The following EDIL3 variants were observed in gnomAD, a reference collection of about 807,000 sequenced individuals.
EDIL3 encodes EGF like and discoidin domains 3.
In EDIL3, 37 loss-of-function variants were observed where a neutral mutation model predicts 67.4. The observed-to-expected ratio is 0.55, with a 90% CI of 0.42 to 0.72. EDIL3 has a LOEUF of 0.72. Among genes scored for constraint, EDIL3 ranks in the 30% least tolerant of loss-of-function variants. The probability of loss-of-function intolerance (pLI) is 0.00; values close to 1 mark genes in which losing one functional copy is unlikely to be tolerated. For missense variants in EDIL3, 527 were observed against 586.3 expected, an observed-to-expected ratio of 0.90 and a Z score of 1.04; for synonymous variants, 195 against 196.3, an observed-to-expected ratio of 0.99 and a Z score of 0.05.
At chr5:84,228,834 A>T (rs1744502594) in intron 3 of EDIL3, among the ~76,000 whole-genome samples, 1 of 152,134 alleles carries the variant, frequency 6.6e-6, no homozygotes, top group Non-Finnish European at 1.5e-5. Flanking sequence ...AGTCAGGCCT[A>T]TGAATTGAAC....
intron 1 of EDIL3, among the ~76,000 whole-genome samples, chr5:84,286,461 C>G (rs1745808908): frequency 6.6e-6 from 1 of 152,130 alleles, no homozygotes; most frequent in Non-Finnish European, 1.5e-5. Flanking sequence ...ATATGCAGTG[C>G]TTAAGGTCTT....
chr5:84,103,551 G>A (rs1747406106), intron 6 of EDIL3, among the ~76,000 whole-genome samples: 1 of 151,834 alleles, frequency 6.6e-6, no homozygotes, highest in Non-Finnish European at 1.5e-5. Context: ...TAAAAAGTGG[G>A]CAAAGGACAT....
At chr5:84,344,033 C>G (rs1252826398) in intron 1 of EDIL3, among the ~76,000 whole-genome samples, 1 of 152,038 alleles carries the variant, frequency 6.6e-6, no homozygotes, top group Non-Finnish European at 1.5e-5. Flanking sequence ...TAGAAGAATT[C>G]TACTTTTAAA....
intron 3 of EDIL3, among the ~76,000 whole-genome samples, chr5:84,190,952 T>A (rs1432425926): frequency 6.6e-6 from 1 of 151,968 alleles, no homozygotes; most frequent in African/African-American, 2.4e-5. Context: ...ATGATTGACT[T>A]AAAATTATTA....
chr5:84,266,600 G>A (rs1411043963), intron 1 of EDIL3, among the ~76,000 whole-genome samples: 1 of 152,176 alleles, frequency 6.6e-6, no homozygotes, highest in Non-Finnish European at 1.5e-5. Context: ...TGACATGACT[G>A]CCTTGGCAAG....
intron 5 of EDIL3, among the ~76,000 whole-genome samples, chr5:84,126,812 G>A (rs536061137): frequency 3.3e-5 from 5 of 152,190 alleles, no homozygotes; most frequent in African/African-American, 9.6e-5. Context: ...CACTCACAGA[G>A]TGGGACTGAG....
chr5:84,034,143 A>G (rs1262632155), intron 9 of EDIL3, among the ~76,000 whole-genome samples: 1 of 152,224 alleles, frequency 6.6e-6, no homozygotes, highest in Non-Finnish European at 1.5e-5. Context: ...TTTGTCATGT[A>G]TTTCCTAAAT....
At chr5:84,070,841 G>C (rs1402894840) in intron 6 of EDIL3, among the ~76,000 whole-genome samples, 2 of 152,130 alleles carry the variant, frequency 1.3e-5, no homozygotes, top group African/African-American at 4.8e-5. Context: ...TAGTGTAAGT[G>C]GAAATTTGAG....
chr5:84,111,429 T>C (rs540645438), intron 5 of EDIL3, among the ~76,000 whole-genome samples: 1 of 152,314 alleles, frequency 6.6e-6, no homozygotes, highest in African/African-American at 2.4e-5. Flanking sequence ...TATTAATTTA[T>C]TGACCTCTAA....
chr5:84,116,888 G>T (rs957388162), intron 5 of EDIL3, among the ~76,000 whole-genome samples: 1 of 152,054 alleles, frequency 6.6e-6, no homozygotes, highest in Non-Finnish European at 1.5e-5. Context: ...ATTCATACTG[G>T]ATGTGTTTTA....
chr5:83,970,947 G>A (rs988066695), intron 9 of EDIL3, among the ~76,000 whole-genome samples: 3 of 151,156 alleles, frequency 2.0e-5, no homozygotes, highest in Admixed American at 1.3e-4. Flanking sequence ...TTAAAATATT[G>A]CTTCTGCTTC....
At chr5:84,231,190 G>T (rs1357114220) in intron 2 of EDIL3, among the ~76,000 whole-genome samples, 1 of 152,180 alleles carries the variant, frequency 6.6e-6, no homozygotes, top group Non-Finnish European at 1.5e-5. Flanking sequence ...AGGTAGGAAG[G>T]TTTGAGAGCA....
intron 1 of EDIL3, among the ~76,000 whole-genome samples, chr5:84,313,159 T>C (rs1164108074): frequency 6.6e-6 from 1 of 152,102 alleles, no homozygotes; most frequent in Non-Finnish European, 1.5e-5. Flanking sequence ...CCATACAAAA[T>C]ACAGAAAACA....
intron 3 of EDIL3, among the ~76,000 whole-genome samples, chr5:84,226,302 A>C (rs1314569078): frequency 2.6e-5 from 4 of 151,700 alleles, no homozygotes; most frequent in African/African-American, 4.8e-5. Flanking sequence ...AAAGGAGATG[A>C]GAGTGAAAAC....
chr5:84,285,378 A>G (rs1461764125), intron 1 of EDIL3, among the ~76,000 whole-genome samples: 1 of 152,178 alleles, frequency 6.6e-6, no homozygotes, highest in Admixed American at 6.5e-5. Flanking sequence ...CTACATATTG[A>G]TTTGCTAATC....
intron 1 of EDIL3, among the ~76,000 whole-genome samples, chr5:84,302,971 GA>G (rs1369611514): frequency 3.5e-3 from 197 of 56,244 alleles, no homozygotes; most frequent in African/African-American, 9.9e-3. Flanking sequence ...ATCAAAATCA[GA>G]GAGAGATAGG....
intron 9 of EDIL3, among the ~76,000 whole-genome samples, chr5:83,984,055 A>C (rs965663698): frequency 3.3e-5 from 5 of 152,060 alleles, no homozygotes. Flanking sequence ...CAGAGGAACA[A>C]TGGACACAGG....
chr5:84,358,972 C>G (rs76100260), intron 1 of EDIL3, among the ~76,000 whole-genome samples: 1 of 152,046 alleles, frequency 6.6e-6, no homozygotes, highest in Middle Eastern at 3.2e-3. Context: ...AACTGTGGTA[C>G]ATTTGGGGGG....
chr5:83,984,471 T>TGTA (rs1201880966), intron 9 of EDIL3, among the ~76,000 whole-genome samples: 45 of 152,240 alleles, frequency 3.0e-4, no homozygotes, highest in African/African-American at 1.0e-3. Flanking sequence ...GGGAATCAAC[T>TGTA]GGAAAACCAA....
Sources: gnomAD v4.1 joint callset for allele counts (sites outside exome capture counted in the v4.1 genomes callset) on GRCh38, gnomAD v4.1.1 for gene constraint, MANE v1.5 for transcripts, NCBI Gene and HGNC (gene_info 2026-07-23, HGNC 2026-07-21) for gene names.